The following YY1 variants were observed in gnomAD, a reference collection of about 807,000 sequenced individuals.
YY1 encodes transcriptional repressor protein YY1.
In YY1, 2 loss-of-function variants were observed where a neutral mutation model predicts 35.6. That is an observed-to-expected ratio of 0.06 (90% confidence interval 0.02 to 0.18). The LOEUF is 0.18. YY1 is among the 10% of genes least tolerant of loss of function. The pLI is 1.00. For synonymous variants in YY1, 268 were observed against 238.9 expected (o/e 1.12, Z -1.12); for missense variants, 322 against 573.4 (o/e 0.56, Z 4.48).
At chr14:100,241,212 G>T (rs1890735421) in intron 1 of YY1, among the ~76,000 whole-genome samples, 1 of 152,230 alleles carries the variant, frequency 6.6e-6, no homozygotes, top group African/African-American at 2.4e-5. Flanking sequence ...TAATGCCTGT[G>T]ATGATTACGT....
chr14:100,257,467 A>C (rs1006527812), intron 1 of YY1, among the ~76,000 whole-genome samples: 1 of 152,100 alleles, frequency 6.6e-6, no homozygotes, highest in Non-Finnish European at 1.5e-5. Context: ...TCCCAGATTC[A>C]TGTGTTGAAA....
intron 2 of YY1, among the ~76,000 whole-genome samples, chr14:100,266,549 C>T (rs1055158404): frequency 2.0e-5 from 3 of 152,060 alleles, no homozygotes; most frequent in African/African-American, 7.2e-5. Context: ...AATCCAGGGA[C>T]ACATGTTACT....
At chr14:100,258,023 A>G (rs949955986) in intron 1 of YY1, among the ~76,000 whole-genome samples, 1 of 152,038 alleles carries the variant, frequency 6.6e-6, no homozygotes, top group Non-Finnish European at 1.5e-5. Context: ...TCCCAGCTAC[A>G]TGGGAGGCTG....
chr14:100,274,391 G>A (rs1891290440), intron 2 of YY1, among the ~76,000 whole-genome samples: 2 of 152,116 alleles, frequency 1.3e-5, no homozygotes, highest in Admixed American at 1.3e-4. Context: ...TTGGAGTTAA[G>A]AACAGGTATG....
intron 1 of YY1, among the ~76,000 whole-genome samples, chr14:100,258,966 G>A (rs969663067): frequency 6.6e-6 from 1 of 152,202 alleles, no homozygotes; most frequent in African/African-American, 2.4e-5. Flanking sequence ...TGTGTGCTAA[G>A]CAGTTATATG....
intron 1 of YY1, among the ~76,000 whole-genome samples, chr14:100,250,964 G>C (rs1400113640): frequency 6.6e-6 from 1 of 152,094 alleles, no homozygotes; most frequent in Non-Finnish European, 1.5e-5. Context: ...CTCCACTCCA[G>C]CCTGGATGAC....
chr14:100,242,697 C>CT (rs1890769415), intron 1 of YY1, among the ~76,000 whole-genome samples: 1 of 151,918 alleles, frequency 6.6e-6, no homozygotes, highest in South Asian at 2.1e-4. Flanking sequence ...CAAGTGGCTG[C>CT]TTTTAAGGTG....
chr14:100,255,280 C>T (rs1890988475), intron 1 of YY1, among the ~76,000 whole-genome samples: 1 of 151,946 alleles, frequency 6.6e-6, no homozygotes, highest in African/African-American at 2.4e-5. Context: ...AAACTTAGAC[C>T]AACAAAATAT....
chr14:100,275,076 T>G (rs1438042673), intron 3 of YY1, among the ~76,000 whole-genome samples: 1 of 152,188 alleles, frequency 6.6e-6, no homozygotes, highest in Non-Finnish European at 1.5e-5. Context: ...TTGACCTTTA[T>G]GGGAATGTAG....
At chr14:100,264,590 G>T (rs1482264101) in intron 2 of YY1, among the ~76,000 whole-genome samples, 1 of 152,184 alleles carries the variant, frequency 6.6e-6, no homozygotes, top group African/African-American at 2.4e-5. Context: ...CCTAGGCCAG[G>T]CTGTGCAGAC....
chr14:100,260,946 C>T (rs1169590498), intron 1 of YY1, among the ~76,000 whole-genome samples: 1 of 151,356 alleles, frequency 6.6e-6, no homozygotes, highest in East Asian at 1.9e-4. Flanking sequence ...CAGGCATGCA[C>T]CCCATGCCTG....
rs183386242 is a variant in YY1 at position 100,258,974 on chromosome 14, A to G, written c.680-3330A>G. Among the ~76,000 whole-genome samples the G allele has an allele frequency of 1.6e-4, 25 of 152,320 alleles. 1 individual carries two copies. Among genetic ancestry groups the G allele is most frequent in the Admixed American group, 6.5e-4 (10 of 15,304 alleles). On this transcript the variant is annotated intron_variant, in intron 1 of 4. Coordinates refer to ENST00000262238, the MANE Select transcript of YY1 (RefSeq NM_003403.5). Reference sequence around the variant, plus strand: ...AGAAAGCTGTGTGCTAAGCAGTTATATGTAGTTTTTGGTGGTTGTAGATTT... The same window carrying G: ...AGAAAGCTGTGTGCTAAGCAGTTATGTGTAGTTTTTGGTGGTTGTAGATTT...
At chr14:100,273,660 C>T (rs560036623) in intron 2 of YY1, among the ~76,000 whole-genome samples, 6 of 152,164 alleles carry the variant, frequency 3.9e-5, no homozygotes, top group South Asian at 2.1e-4. Flanking sequence ...CCACCACACC[C>T]GGCTGATTTA....
chr14:100,239,933 G>C lies in YY1; in HGVS notation c.679+10G>C. The C allele has an allele frequency of 6.6e-7, 1 of 1,517,862 alleles. No individual in the cohort carries two copies. The allele number at this position is 1,517,862 out of a possible 1,614,324, so 94.0% of individuals were successfully genotyped here. A position where few individuals can be genotyped will look rare whatever the true frequency, so the allele number is the denominator to read the frequency against. On this transcript the variant is annotated intron_variant, in intron 1 of 4. Coordinates refer to ENST00000262238, the MANE Select transcript of YY1 (RefSeq NM_003403.5). ...ACCATGTGGTCCTCAGGTGAGCGCCGGCCGCGCGCCCCGGCCCCGGGATGT... is the reference window on the plus strand; with the variant it reads ...ACCATGTGGTCCTCAGGTGAGCGCCCGCCGCGCGCCCCGGCCCCGGGATGT...
chr14:100,255,048 T>G (rs1303383568), intron 1 of YY1, among the ~76,000 whole-genome samples: 5 of 141,224 alleles, frequency 3.5e-5, no homozygotes, highest in African/African-American at 1.3e-4. Flanking sequence ...CCACCCACCT[T>G]GGCCTCCCAA....
At chr14:100,264,686 C>G (rs1304649753) in intron 2 of YY1, among the ~76,000 whole-genome samples, 1 of 152,156 alleles carries the variant, frequency 6.6e-6, no homozygotes, top group Non-Finnish European at 1.5e-5. Context: ...TGGGAGAAGT[C>G]CTTTGCAGCT....
rs1160653189 is a variant in YY1, at chr14:100,280,602, C to A, written c.*3002C>A. ...CAAGGCCTGAGGATTTGAGGAAAAT[C>A]GGGATTTTTTTTTTCCTATTTGGTT... On this transcript the variant is annotated 3_prime_UTR_variant, in exon 5 of 5. Transcript: ENST00000262238. 1.3e-5 allele frequency: 2 copies of A among 151,926 alleles called. No individual in the cohort carries two copies. The highest frequency in any genetic ancestry group is 4.8e-5 in the African/African-American group (2 of 41,328). 9.4% of individuals were successfully genotyped at this position (151,926 alleles called of 1,614,324 possible).
chr14:100,276,792 G>T lies in YY1; in HGVS notation c.1062+144G>T, dbSNP rs1038781374. Reference sequence around the variant, plus strand: ...TGGTGAGAAACAAAACTTCTCCTGGGGAGTCGCTTAGAAGGGTTGCCGGGG... The same window carrying T: ...TGGTGAGAAACAAAACTTCTCCTGGTGAGTCGCTTAGAAGGGTTGCCGGGG... On this transcript the variant is annotated intron_variant, in intron 4 of 4. Coordinates refer to ENST00000262238, the MANE Select transcript of YY1 (RefSeq NM_003403.5). This position sits in a 1 kb window ranked among gnomAD's most constrained non-coding sequence, Gnocchi z 4.1. The T allele has an allele frequency of 3.9e-6, 5 of 1,275,608 alleles. No homozygotes were observed. The African/African-American group carries it at 7.4e-5, about 19-fold the overall frequency. 79.0% of individuals were successfully genotyped at this position (1,275,608 alleles called of 1,614,324 possible).
Position 100,281,056 on chromosome 14 carries a change from T to G in YY1, c.*3456T>G, listed in dbSNP as rs1326319349. ...GCCTGGGTGACAGAGCAAGACTCCG[T>G]CTCCCAAAAAAAAAAAAAAAAAAAA... On this transcript the variant is annotated 3_prime_UTR_variant, in exon 5 of 5. Transcript: ENST00000262238. 2 of 53,770 alleles carry G rather than the reference T, an allele frequency of 3.7e-5. No homozygotes were observed. The highest frequency in any genetic ancestry group is 9.2e-5 in the African/African-American group (1 of 10,920). 3.3% of individuals were successfully genotyped at this position (53,770 alleles called of 1,614,324 possible).
Sources: gnomAD v4.1 joint callset for allele counts (sites outside exome capture counted in the v4.1 genomes callset) on GRCh38, gnomAD v4.1.1 for gene constraint, Gnocchi (gnomAD v3.1) non-coding constraint, MANE v1.5 for transcripts, NCBI Gene and HGNC (gene_info 2026-07-23, HGNC 2026-07-21) for gene names.